NYAP2: variants seen among roughly 807,000 people sequenced by gnomAD.
NYAP2 encodes the protein neuronal tyrosine-phosphorylated phosphoinositide-3-kinase adapter 2.
NYAP2 carries 23 observed loss-of-function variants against 50.4 expected under a neutral mutation model. That is an observed-to-expected ratio of 0.46 (90% confidence interval 0.33 to 0.65). The LOEUF (loss-of-function observed/expected upper bound fraction) is 0.65. Ranked by LOEUF, NYAP2 falls within the 30% of genes least tolerant of loss-of-function variation. The pLI, the probability that NYAP2 is intolerant of heterozygous loss-of-function variation, is 0.02. For missense variants in NYAP2, 885 were observed against 861.0 expected (o/e 1.03, Z -0.35); for synonymous variants, 394 against 365.2 (o/e 1.08, Z -0.90).
chr2:225,506,504 T>C (rs1275304172), intron 3 of NYAP2, among the ~76,000 whole-genome samples: 1 of 152,202 alleles, frequency 6.6e-6, no homozygotes, highest in Admixed American at 6.5e-5. Context: ...CCAATTTCCA[T>C]GAGCACAGCT....
intron 4 of NYAP2, among the ~76,000 whole-genome samples, chr2:225,538,793 T>TTC (rs1559208634): frequency 3.4e-5 from 1 of 29,380 alleles, no homozygotes. Flanking sequence ...TTTCTTTCTT[T>TTC]CTTTCTTTCT....
At chr2:225,627,069 A>T in exon 6 of NYAP2, 6 of 1,597,978 alleles carry the variant, frequency 3.8e-6, no homozygotes, top group Non-Finnish European at 5.1e-6. Context: ...TGTGGTCACC[A>T]GTCGACTAGG....
chr2:225,469,840 T>A (rs1689984341), intron 3 of NYAP2, among the ~76,000 whole-genome samples: 1 of 151,344 alleles, frequency 6.6e-6, no homozygotes, highest in Non-Finnish European at 1.5e-5. Context: ...TCACACACTG[T>A]GACCTGTCGG....
intron 3 of NYAP2, among the ~76,000 whole-genome samples, chr2:225,490,210 G>A (rs1265690699): frequency 6.6e-6 from 1 of 152,098 alleles, no homozygotes; most frequent in Non-Finnish European, 1.5e-5. Context: ...ATACTCTAGG[G>A]AATTTGGGCA....
At chr2:225,433,548 T>C (rs1399467571) in intron 3 of NYAP2, among the ~76,000 whole-genome samples, 2 of 152,084 alleles carry the variant, frequency 1.3e-5, no homozygotes, top group Non-Finnish European at 2.9e-5. Flanking sequence ...CAAAATATGA[T>C]ATTAAGTGAT....
At chr2:225,590,781 T>G (rs574118098) in intron 5 of NYAP2, among the ~76,000 whole-genome samples, 1 of 152,330 alleles carries the variant, frequency 6.6e-6, no homozygotes, top group African/African-American at 2.4e-5. Flanking sequence ...CAGGGTAACG[T>G]AGATTCAAAA....
chr2:225,405,390 CTT>C (rs1694922975), intron 2 of NYAP2, among the ~76,000 whole-genome samples: 1 of 151,914 alleles, frequency 6.6e-6, no homozygotes, highest in South Asian at 2.1e-4. Context: ...CAAGGCAAGT[CTT>C]TATAAAATTC....
the NYAP2 span, among the ~76,000 whole-genome samples, chr2:225,661,103 T>C: frequency 6.6e-6 from 1 of 152,248 alleles, no homozygotes; most frequent in African/African-American, 2.4e-5. Context: ...TCCTTCTTGA[T>C]TTCTTTTGTT....
intron 3 of NYAP2, among the ~76,000 whole-genome samples, chr2:225,496,100 C>T (rs1039031453): frequency 1.3e-5 from 2 of 152,046 alleles, no homozygotes; most frequent in African/African-American, 4.8e-5. Context: ...TTGAGAAACA[C>T]AGAAAAGATT....
Position 225,582,632 on chromosome 2 carries a change from T to C in NYAP2, c.1215T>C (p.Ser405=). 6.3e-7 allele frequency: 1 copy of C among 1,596,134 alleles called. No individual in the cohort carries two copies. Among genetic ancestry groups the C allele is most frequent in the Non-Finnish European group, 8.5e-7 (1 of 1,172,186 alleles). ...AGGCCGCGGCCCTGGGACCTGCCTC[T>C]GCCACCCCTGCGCTCTCCTCGTCGC... Residue 405 remains serine, a synonymous_variant, in exon 5 of 7, where the codon TCT becomes TCC. Coordinates refer to ENST00000636099, the Ensembl canonical transcript of NYAP2. This position sits in a 1 kb window ranked among gnomAD's most constrained non-coding sequence, Gnocchi z 7.0.
intron 4 of NYAP2, among the ~76,000 whole-genome samples, chr2:225,520,435 G>C (rs1691030475): frequency 6.6e-6 from 1 of 152,090 alleles, no homozygotes; most frequent in Non-Finnish European, 1.5e-5. Flanking sequence ...AATCCATCTT[G>C]AATTGATTTT....
In NYAP2 at chr2:225,465,321, A is replaced by G. The variant is rs564920563; in HGVS notation, c.222-48050A>G. 2.6e-5 allele frequency among the ~76,000 whole-genome samples: 4 copies of G among 151,924 alleles called. No homozygotes were observed. In the East Asian group the frequency reaches 5.8e-4, roughly 22 times the overall value. ...ATATGCCCATTTGTATATTCTGTCAACCTCTGTGACCCTACATTTTTCTTA... is the reference window on the plus strand; with the variant it reads ...ATATGCCCATTTGTATATTCTGTCAGCCTCTGTGACCCTACATTTTTCTTA... On this transcript the variant is annotated intron_variant, in intron 3 of 6. Coordinates refer to ENST00000636099, the Ensembl canonical transcript of NYAP2.
the NYAP2 span, among the ~76,000 whole-genome samples, chr2:225,674,156 C>A: frequency 6.6e-6 from 1 of 152,042 alleles, no homozygotes; most frequent in Non-Finnish European, 1.5e-5. Flanking sequence ...AAAGTAAAAA[C>A]TTTCATTTCT....
At chr2:225,418,277 G>A (rs530359966) in intron 3 of NYAP2, among the ~76,000 whole-genome samples, 33 of 152,272 alleles carry the variant, frequency 2.2e-4, no homozygotes, top group African/African-American at 5.8e-4. Context: ...CAGGTGAGGC[G>A]GAGGTTAGAA....
At chr2:225,638,317 G>A (rs1382122388) in intron 6 of NYAP2, among the ~76,000 whole-genome samples, 1 of 151,912 alleles carries the variant, frequency 6.6e-6, no homozygotes, top group Non-Finnish European at 1.5e-5. Context: ...AGACTTTAAT[G>A]GAACCATTCA....
At chr2:225,536,374 G>T (rs1691350314) in intron 4 of NYAP2, among the ~76,000 whole-genome samples, 1 of 152,126 alleles carries the variant, frequency 6.6e-6, no homozygotes, top group African/African-American at 2.4e-5. Flanking sequence ...GCATGAAATG[G>T]TGGCCTATTT....
chr2:225,623,493 T>G (rs1441489143), intron 5 of NYAP2, among the ~76,000 whole-genome samples: 1 of 152,212 alleles, frequency 6.6e-6, no homozygotes, highest in Admixed American at 6.5e-5. Flanking sequence ...TATTTCTTTT[T>G]TTTTTATGTA....
intron 5 of NYAP2, among the ~76,000 whole-genome samples, chr2:225,622,502 TTTTCTTTCTTTCTTTCTTCTTTC>T (rs1297834994): frequency 2.1e-4 from 5 of 23,984 alleles, no homozygotes; most frequent in African/African-American, 4.1e-4. Context: ...ATTTTATTTC[TTTTCTTTCTTTCTTTCTTCTTTC>T]TTTCTTTCTT....
intron 5 of NYAP2, among the ~76,000 whole-genome samples, chr2:225,622,518 C>CTTTCTTTCTTTCTTTCT (rs149175182): frequency 2.8e-5 from 2 of 70,398 alleles, no homozygotes; most frequent in East Asian, 3.7e-4. Context: ...TTCTTTCTTT[C>CTTTCTTTCTTTCTTTCT]TTCTTTCTTT....
Sources: gnomAD v4.1 joint callset for allele counts (sites outside exome capture counted in the v4.1 genomes callset) on GRCh38, gnomAD v4.1.1 for gene constraint, Gnocchi (gnomAD v3.1) non-coding constraint, MANE v1.5 for transcripts, NCBI Gene and HGNC (gene_info 2026-07-23, HGNC 2026-07-21) for gene names.